TMEM87B: variants seen among roughly 807,000 people sequenced by gnomAD.
TMEM87B encodes the protein transmembrane protein 87B.
In TMEM87B, 83 loss-of-function variants were observed where a neutral mutation model predicts 80.3. The observed-to-expected ratio is 1.03, with a 90% confidence interval of 0.87 to 1.24. TMEM87B has a LOEUF of 1.24. Ranked by LOEUF, TMEM87B falls within the 50% of genes most tolerant of loss-of-function variation. The probability of loss-of-function intolerance (pLI) is 0.00; values close to 1 mark genes in which losing one functional copy is unlikely to be tolerated. For synonymous variants in TMEM87B, 219 were observed against 230.5 expected (o/e 0.95, Z 0.45); for missense variants, 625 against 674.4 (o/e 0.93, Z 0.81).
chr2:112,109,130 T>C (rs1331459357), intron 17 of TMEM87B, among the ~76,000 whole-genome samples: 1 of 152,176 alleles, frequency 6.6e-6, no homozygotes, highest in East Asian at 1.9e-4. Flanking sequence ...ACTAGTGTTA[T>C]TTAACTAAAC....
intron 4 of TMEM87B, among the ~76,000 whole-genome samples, chr2:112,068,288 T>C (rs767034705): frequency 6.6e-6 from 1 of 152,218 alleles, no homozygotes; most frequent in Non-Finnish European, 1.5e-5. Context: ...CATTTAAATT[T>C]ATTTTTTGTT....
Position 112,107,337 on chromosome 2 carries a change from G to A in TMEM87B, c.1525-451G>A, listed in dbSNP as rs181499178. On this transcript the variant is annotated intron_variant, in intron 16 of 18. Coordinates refer to ENST00000283206, the MANE Select transcript of TMEM87B (RefSeq NM_032824.3). ...CACACCGCTGCACTCCAGCCTGGGC[G>A]ACAGAGTCAGACTCTGTCTCAAAAA... 3.2e-4 allele frequency among the ~76,000 whole-genome samples: 42 copies of A among 132,750 alleles called. No individual in the cohort carries two copies. In the East Asian group the frequency reaches 8.6e-3, roughly 27 times the overall value. 87.1% of individuals were successfully genotyped at this position (132,750 alleles called of 152,430 possible).
chr2:112,062,994 C>T (rs1678302175), intron 2 of TMEM87B, among the ~76,000 whole-genome samples: 1 of 152,158 alleles, frequency 6.6e-6, no homozygotes, highest in South Asian at 2.1e-4. Context: ...TATGTAGCTT[C>T]CATCTCTTGG....
intron 9 of TMEM87B, among the ~76,000 whole-genome samples, chr2:112,086,851 C>T (rs988030331): frequency 1.3e-5 from 2 of 152,124 alleles, no homozygotes; most frequent in African/African-American, 4.8e-5. Context: ...CTCACCTCCC[C>T]ACCTCTCCTG....
intron 6 of TMEM87B, among the ~76,000 whole-genome samples, chr2:112,080,461 G>T (rs576403651): frequency 4.3e-4 from 64 of 150,282 alleles, no homozygotes; most frequent in Non-Finnish European, 7.8e-4. Context: ...GTGTTTCACC[G>T]TGTTAGCCAG....
At chr2:112,113,180 C>T (rs1462366131) in intron 18 of TMEM87B, among the ~76,000 whole-genome samples, 5 of 152,254 alleles carry the variant, frequency 3.3e-5, no homozygotes, top group African/African-American at 1.2e-4. Context: ...TGAGTTTAAA[C>T]GATTTTAAGA....
intron 18 of TMEM87B, 31 bp downstream of exon 18, chr2:112,112,960 G>A: frequency 6.3e-7 from 1 of 1,598,762 alleles, no homozygotes; most frequent in East Asian, 2.2e-5. Context: ...TTTCCTTGGA[G>A]CTGATATTTT....
rs887154722 is a variant in TMEM87B at position 112,069,149 on chromosome 2, G to A, written c.450+2082G>A. ...GGAGCTTGCAGTGAGCCGAGATTGC[G>A]CCACTGCAGTCCGCAGTCTGGCCTG... On this transcript the variant is annotated intron_variant, in intron 4 of 18. Transcript: ENST00000283206. Among the ~76,000 whole-genome samples, 6 of 136,276 alleles carry A rather than the reference G, an allele frequency of 4.4e-5. No homozygotes were observed. The East Asian group carries it at 6.5e-4, about 15-fold the overall frequency. 89.4% of individuals were successfully genotyped at this position (136,276 alleles called of 152,430 possible). A position where few individuals can be genotyped will look rare whatever the true frequency, so the allele number is the denominator to read the frequency against.
intron 18 of TMEM87B, among the ~76,000 whole-genome samples, chr2:112,113,369 G>A (rs960166503): frequency 4.6e-5 from 7 of 152,172 alleles, no homozygotes; most frequent in Admixed American, 2.6e-4. Context: ...GGCACAAGGC[G>A]GGAAGAAATC....
intron 17 of TMEM87B, among the ~76,000 whole-genome samples, chr2:112,112,346 G>T (rs1329397648): frequency 6.6e-6 from 1 of 152,146 alleles, no homozygotes; most frequent in Non-Finnish European, 1.5e-5. Flanking sequence ...CCAGGCAGTG[G>T]TCATAATGAC....
At chr2:112,084,251 C>G (rs1573705364) in intron 8 of TMEM87B, among the ~76,000 whole-genome samples, 2 of 152,250 alleles carry the variant, frequency 1.3e-5, no homozygotes, top group Admixed American at 1.3e-4. Flanking sequence ...ACTCATCCCT[C>G]AACATTTGTG....
intron 11 of TMEM87B, 63 bp from the exon 12 acceptor site, chr2:112,096,981 A>C: frequency 8.9e-7 from 1 of 1,122,548 alleles, no homozygotes; most frequent in Non-Finnish European, 1.3e-6. Context: ...ATAGTAGAAG[A>C]TTCTGTTTTT....
intron 11 of TMEM87B, among the ~76,000 whole-genome samples, chr2:112,094,550 T>C (rs1679400693): frequency 6.6e-6 from 1 of 152,182 alleles, no homozygotes; most frequent in African/African-American, 2.4e-5. Context: ...GAAAAGCAGC[T>C]CTGATGGCTC....
intron 9 of TMEM87B, among the ~76,000 whole-genome samples, chr2:112,088,531 C>G (rs1212120627): frequency 6.6e-6 from 1 of 152,008 alleles, no homozygotes; most frequent in East Asian, 1.9e-4. Flanking sequence ...TAATTTTTTA[C>G]TTATATTTTG....
At position 112,065,955 on chromosome 2, in the gene TMEM87B, A is replaced by G. The variant is rs35643530; in HGVS notation, c.319-981A>G. Among the ~76,000 whole-genome samples, 1,135 of 152,342 alleles carry G rather than the reference A, an allele frequency of 7.5e-3. 12 individuals are homozygous for G. Among genetic ancestry groups the G allele is most frequent in the Middle Eastern group, 0.017 (5 of 294 alleles). ...TATACATTTTTGGCAGGAATACCACAGAATACTGATTTGTCTCATTTTTGG... is the reference window on the plus strand; with the variant it reads ...TATACATTTTTGGCAGGAATACCACGGAATACTGATTTGTCTCATTTTTGG... On this transcript the variant is annotated intron_variant, in intron 3 of 18. Transcript: ENST00000283206.
rs988839519 is a variant in TMEM87B, at chr2:112,070,978, T to C, written c.450+3911T>C. Among the ~76,000 whole-genome samples the C allele has an allele frequency of 4.0e-5, 6 of 151,552 alleles. 1 individual carries two copies. The highest frequency in any genetic ancestry group is 4.2e-4 in the South Asian group (2 of 4,792). On this transcript the variant is annotated intron_variant, in intron 4 of 18. Transcript: ENST00000283206. ...CTGGGACTACAGACGCCCGCCACCA[T>C]GCCCGGCTAATTTTTTGTATTTTTT...
chr2:112,063,000 C>T (rs547280204), intron 2 of TMEM87B, among the ~76,000 whole-genome samples: 1 of 152,312 alleles, frequency 6.6e-6, no homozygotes, highest in South Asian at 2.1e-4. Flanking sequence ...GCTTCCATCT[C>T]TTGGGTACTG....
intron 11 of TMEM87B, among the ~76,000 whole-genome samples, chr2:112,095,633 T>C (rs1254350597): frequency 6.6e-6 from 1 of 152,164 alleles, no homozygotes; most frequent in Non-Finnish European, 1.5e-5. Context: ...ATTGGTTGTA[T>C]TGTATTGCTT....
At chr2:112,060,669 TGAGATTA>T (rs1678228751) in intron 2 of TMEM87B, among the ~76,000 whole-genome samples, 1 of 151,974 alleles carries the variant, frequency 6.6e-6, no homozygotes, top group Non-Finnish European at 1.5e-5. Flanking sequence ...CCCTAGTAGC[TGAGATTA>T]CAGGCGAACG....
Sources: gnomAD v4.1 joint callset for allele counts (sites outside exome capture counted in the v4.1 genomes callset) on GRCh38, gnomAD v4.1.1 for gene constraint, MANE v1.5 for transcripts, NCBI Gene and HGNC (gene_info 2026-07-23, HGNC 2026-07-21) for gene names.